Variants in FILIP1 observed in about 807,000 individuals in gnomAD.
FILIP1 encodes the protein filamin-A-interacting protein 1.
Under a neutral mutation model 102.1 loss-of-function variants are expected in FILIP1, and 61 were observed. That is an observed-to-expected ratio of 0.60 (90% CI 0.49 to 0.74). The LOEUF (loss-of-function observed/expected upper bound fraction) is 0.74. Among genes scored for constraint, FILIP1 ranks in the 30% least tolerant of loss-of-function variants. The probability of loss-of-function intolerance (pLI) is 0.00; values close to 1 mark genes in which losing one functional copy is unlikely to be tolerated. For missense variants in FILIP1, 1,314 were observed against 1,441.2 expected (o/e 0.91, Z 1.43); for synonymous variants, 491 against 526.9 (o/e 0.93, Z 0.93).
chr6:75,487,016 GAAC>G (rs1562669410), intron 1 of FILIP1, among the ~76,000 whole-genome samples: 1 of 151,962 alleles, frequency 6.6e-6, no homozygotes, highest in Non-Finnish European at 1.5e-5. Flanking sequence ...AGACCAGAAC[GAAC>G]AACAGGCTAT....
At chr6:75,397,249 T>C (rs938874424) in intron 2 of FILIP1, among the ~76,000 whole-genome samples, 1 of 151,660 alleles carries the variant, frequency 6.6e-6, no homozygotes, top group Non-Finnish European at 1.5e-5. Flanking sequence ...TTAATAAATA[T>C]AAAAAATTCT....
At chr6:75,406,090 G>C (rs371331886) in intron 2 of FILIP1, among the ~76,000 whole-genome samples, 1 of 152,050 alleles carries the variant, frequency 6.6e-6, no homozygotes, top group African/African-American at 2.4e-5. Flanking sequence ...CCTGTCTGAC[G>C]GGGCCTTTCT....
chr6:75,389,571 G>T (rs867214298), intron 2 of FILIP1, among the ~76,000 whole-genome samples: 1 of 152,030 alleles, frequency 6.6e-6, no homozygotes, highest in Non-Finnish European at 1.5e-5. Context: ...GTCTATTCAG[G>T]GATTCGACTT....
At chr6:75,329,799 TAGTA>T (rs1288699449) in intron 4 of FILIP1, among the ~76,000 whole-genome samples, 2 of 152,188 alleles carry the variant, frequency 1.3e-5, no homozygotes, top group Non-Finnish European at 2.9e-5. Context: ...TGTGGGTACA[TAGTA>T]GGTATATACA....
intron 1 of FILIP1, among the ~76,000 whole-genome samples, chr6:75,479,087 A>G (rs1303534214): frequency 6.6e-6 from 1 of 152,172 alleles, no homozygotes; most frequent in African/African-American, 2.4e-5. Flanking sequence ...TAACAACCCT[A>G]TCCTAACAAG....
chr6:75,456,097 C>T (rs1778818972), intron 1 of FILIP1, among the ~76,000 whole-genome samples: 1 of 152,170 alleles, frequency 6.6e-6, no homozygotes, highest in Non-Finnish European at 1.5e-5. Flanking sequence ...TCTCCTAAGT[C>T]TTCCTCCACA....
At position 75,457,644 on chromosome 6, in the gene FILIP1, C is replaced by CTA. The variant is rs201455778; in HGVS notation, c.-7+35769_-7+35770insTA. On this transcript the variant is annotated intron_variant, in intron 1 of 5. Transcript: ENST00000237172. ...TCTCTCTCTCTCTCTCTCTCTCTCTCTCTCGTTTCTGTTTTATCAATGCCC... is the reference window on the plus strand; with the variant it reads ...TCTCTCTCTCTCTCTCTCTCTCTCTCTATCTCGTTTCTGTTTTATCAATGCCC... Among the ~76,000 whole-genome samples the CTA allele has an allele frequency of 2.3e-3, 340 of 149,944 alleles. 16 individuals are homozygous for CTA. The East Asian group carries it at 0.026, about 12-fold the overall frequency.
chr6:75,309,511 C>T (rs1773107562), intron 5 of FILIP1, among the ~76,000 whole-genome samples: 1 of 152,216 alleles, frequency 6.6e-6, no homozygotes, highest in South Asian at 2.1e-4. Flanking sequence ...CATTCTCAGC[C>T]TCCTTTTAAT....
Position 75,312,963 on chromosome 6 carries a change from A to T in FILIP1, c.2869T>A (p.Ser957Thr), listed in dbSNP as rs556847747. 3 of 1,614,146 alleles carry T rather than the reference A, an allele frequency of 1.9e-6. No individual in the cohort carries two copies. The African/African-American group carries it at 4.0e-5, about 22-fold the overall frequency. ...NQKPRITIIP[S>T]PNVMPQKQKS... is the part of the protein sequence containing the mutation. ...TGTTTTTGAGGCATAACGTTTGGTG[A>T]TGGAATAATGGTTATTCTTGGTTTC... is the stretch of plus-strand genomic sequence containing the variant. The change falls in exon 5 of 6, where the codon TCA becomes ACA. Residue 957 changes from serine to threonine, a missense_variant. Ser to Thr is a moderately conservative substitution (Grantham distance 58). Coordinates refer to ENST00000237172, the MANE Select transcript of FILIP1 (RefSeq NM_015687.5).
chr6:75,397,627 A>G (rs7771904), intron 2 of FILIP1, among the ~76,000 whole-genome samples: 92,909 of 150,536 alleles, frequency 0.62, 28,808 homozygotes, highest in South Asian at 0.7. Flanking sequence ...CAGGAATTAC[A>G]ACATCCCATC....
At chr6:75,485,990 C>CAG (rs1195466199) in intron 1 of FILIP1, among the ~76,000 whole-genome samples, 1 of 138,830 alleles carries the variant, frequency 7.2e-6, no homozygotes, top group Non-Finnish European at 1.5e-5. Flanking sequence ...CACACACACA[C>CAG]ACACACATAC....
chr6:75,433,130 A>G (rs1777886267), intron 1 of FILIP1, among the ~76,000 whole-genome samples: 1 of 152,236 alleles, frequency 6.6e-6, no homozygotes, highest in Non-Finnish European at 1.5e-5. Flanking sequence ...TAGTGCTACA[A>G]TAAACATACA....
intron 3 of FILIP1, among the ~76,000 whole-genome samples, chr6:75,361,369 G>A (rs1775168564): frequency 6.6e-6 from 1 of 152,168 alleles, no homozygotes; most frequent in South Asian, 2.1e-4. Flanking sequence ...TGGTGAGGGT[G>A]GGGAGTGTCA....
At chr6:75,304,554 A>G (rs1772928062), downstream of FILIP1, among the ~76,000 whole-genome samples, 1 of 152,222 alleles carries the variant, frequency 6.6e-6, no homozygotes, top group Non-Finnish European at 1.5e-5. Flanking sequence ...AAACACATAA[A>G]TATATAAATG....
intron 4 of FILIP1, among the ~76,000 whole-genome samples, chr6:75,321,516 C>T (rs950492698): frequency 6.6e-6 from 1 of 152,124 alleles, no homozygotes; most frequent in East Asian, 1.9e-4. Flanking sequence ...TGTGATCGGC[C>T]GGGCGCGGTG....
chr6:75,313,925 A>G lies in FILIP1; in HGVS notation c.1907T>C (p.Ile636Thr), dbSNP rs781777332. 1 of 1,613,352 alleles carries G rather than the reference A, an allele frequency of 6.2e-7. No homozygotes were observed. Among genetic ancestry groups the G allele is most frequent in the South Asian group, 1.1e-5 (1 of 90,906 alleles). Residue 636 changes from isoleucine (I) to threonine (T), a missense_variant, in exon 5 of 6, where the codon ATT becomes ACT. By Grantham distance (89) the Ile-to-Thr change is moderately conservative (BLOSUM62 -1). Coordinates refer to ENST00000237172, the MANE Select transcript of FILIP1 (RefSeq NM_015687.5). The surrounding 1 kb of genome is among the most constrained non-coding windows in gnomAD (Gnocchi z 4.2). ...DNKIKELTLE[I>T]ERLKKRLQQL... Reference sequence around the variant, plus strand: ...TTGGAGACGTTTCTTCAGTCTCTCAATTTCAAGTGTTAGTTCCTTAATCTT... The same window carrying G: ...TTGGAGACGTTTCTTCAGTCTCTCAGTTTCAAGTGTTAGTTCCTTAATCTT...
intron 5 of FILIP1, among the ~76,000 whole-genome samples, chr6:75,311,803 A>G (rs1773196070): frequency 6.6e-6 from 1 of 152,194 alleles, no homozygotes; most frequent in Admixed American, 6.5e-5. Context: ...AGCCCCAGCT[A>G]TTTATTAAAT....
chr6:75,354,271 T>A (rs1425794068), intron 3 of FILIP1, among the ~76,000 whole-genome samples: 1 of 152,190 alleles, frequency 6.6e-6, no homozygotes, highest in African/African-American at 2.4e-5. Flanking sequence ...TTGTCAACAT[T>A]TAGTATTTTT....
At chr6:75,492,945 A>G (rs1780007319) in intron 1 of FILIP1, among the ~76,000 whole-genome samples, 1 of 152,210 alleles carries the variant, frequency 6.6e-6, no homozygotes, top group Admixed American at 6.5e-5. Flanking sequence ...GACACATGCA[A>G]CAGCAGGTTT....
Sources: allele counts gnomAD v4.1 joint callset (sites outside exome capture counted in the v4.1 genomes callset), GRCh38; gene constraint gnomAD v4.1.1; non-coding constraint Gnocchi (gnomAD v3.1); transcripts MANE v1.5; gene names NCBI Gene and HGNC (gene_info 2026-07-23, HGNC 2026-07-21).